Variants in SNTB1 observed in about 807,000 individuals in gnomAD.
The protein encoded by SNTB1 is beta-1-syntrophin.
In SNTB1, 36 loss-of-function variants were observed where a neutral mutation model predicts 48.9. That is an observed-to-expected ratio of 0.74 (90% confidence interval 0.56 to 0.97). The LOEUF (loss-of-function observed/expected upper bound fraction) is 0.97. Ranked by LOEUF, SNTB1 falls within the 50% of genes least tolerant of loss-of-function variation. SNTB1 has a pLI of 0.00. For synonymous variants in SNTB1, 299 were observed against 294.6 expected, an observed-to-expected ratio of 1.01 and a Z score of -0.15; for missense variants, 786 against 703.4, an observed-to-expected ratio of 1.12 and a Z score of -1.33.
At chr8:120,652,034 C>T (rs1003440425) in intron 2 of SNTB1, among the ~76,000 whole-genome samples, 1 of 152,102 alleles carries the variant, frequency 6.6e-6, no homozygotes, top group Admixed American at 6.5e-5. Context: ...TACTGTATAA[C>T]TTTGTATCTT....
At chr8:120,713,398 A>G (rs1450725017) in intron 1 of SNTB1, among the ~76,000 whole-genome samples, 2 of 152,078 alleles carry the variant, frequency 1.3e-5, no homozygotes, top group African/African-American at 4.8e-5. Flanking sequence ...GTAGCTGCTG[A>G]TCTGTTTTCT....
chr8:120,763,493 T>C (rs1819460368), intron 1 of SNTB1, among the ~76,000 whole-genome samples: 1 of 152,196 alleles, frequency 6.6e-6, no homozygotes. Context: ...AATTGACCTA[T>C]TAAAACAATC....
chr8:120,583,553 AC>A (rs1816084276), intron 3 of SNTB1, among the ~76,000 whole-genome samples: 2 of 141,228 alleles, frequency 1.4e-5, no homozygotes, highest in African/African-American at 5.0e-5. Context: ...ACACACACAC[AC>A]ACACACAAAA....
intron 3 of SNTB1, among the ~76,000 whole-genome samples, chr8:120,578,702 A>C (rs898863934): frequency 1.3e-5 from 2 of 152,200 alleles, no homozygotes; most frequent in Non-Finnish European, 2.9e-5. Flanking sequence ...ACAGAGCATG[A>C]GAGGAAAGGT....
At chr8:120,805,916 T>C (rs1820327280) in intron 1 of SNTB1, among the ~76,000 whole-genome samples, 1 of 152,232 alleles carries the variant, frequency 6.6e-6, no homozygotes, top group African/African-American at 2.4e-5. Context: ...ACGGTGTGTT[T>C]TTGGCAAGTG....
intron 1 of SNTB1, among the ~76,000 whole-genome samples, chr8:120,794,073 A>G (rs1820082031): frequency 6.6e-6 from 1 of 152,048 alleles, no homozygotes; most frequent in South Asian, 2.1e-4. Context: ...TTCTTTCCAC[A>G]TGGCTCCCTT....
At chr8:120,622,734 A>G (rs747184319) in intron 3 of SNTB1, among the ~76,000 whole-genome samples, 1 of 152,238 alleles carries the variant, frequency 6.6e-6, no homozygotes, top group African/African-American at 2.4e-5. Flanking sequence ...TAAAGGTCCC[A>G]TATACCTAAA....
intron 1 of SNTB1, among the ~76,000 whole-genome samples, chr8:120,803,273 T>C (rs183333031): frequency 1.3e-5 from 2 of 152,308 alleles, no homozygotes; most frequent in East Asian, 3.9e-4. Context: ...CTTTTCCATC[T>C]TGTCTTTCCC....
intron 2 of SNTB1, among the ~76,000 whole-genome samples, chr8:120,633,361 T>C (rs1817016415): frequency 6.6e-6 from 1 of 152,112 alleles, no homozygotes; most frequent in African/African-American, 2.4e-5. Context: ...ATCCCAGCAC[T>C]TTGGAAGGCT....
At chr8:120,785,150 C>T (rs891276533) in intron 1 of SNTB1, among the ~76,000 whole-genome samples, 1 of 152,180 alleles carries the variant, frequency 6.6e-6, no homozygotes, top group Non-Finnish European at 1.5e-5. Flanking sequence ...TTTAGAGAAA[C>T]CCCCAGCTGA....
chr8:120,654,043 A>AAAAAG lies in SNTB1; in HGVS notation c.789-21393_789-21392insCTTTT, dbSNP rs1393990970. ...AGACAGAGCGAGACTCTGCCTCAAAAAAAAAAAAAAAAAAAAAAAAAAAAA... is the reference window on the plus strand; with the variant it reads ...AGACAGAGCGAGACTCTGCCTCAAAAAAAAGAAAAAAAAAAAAAAAAAAAAAAAAA... On this transcript the variant is annotated intron_variant, in intron 2 of 6. Coordinates refer to ENST00000517992, the MANE Select transcript of SNTB1 (RefSeq NM_021021.4). Among the ~76,000 whole-genome samples the AAAAAG allele has an allele frequency of 3.9e-4, 48 of 123,636 alleles. 2 individuals carry two copies. The highest frequency in any genetic ancestry group is 5.9e-4 in the Non-Finnish European group (33 of 56,276). 81.1% of individuals were successfully genotyped at this position (123,636 alleles called of 152,430 possible).
chr8:120,719,615 G>C (rs544644896), intron 1 of SNTB1, among the ~76,000 whole-genome samples: 1 of 152,140 alleles, frequency 6.6e-6, no homozygotes, highest in Non-Finnish European at 1.5e-5. Flanking sequence ...AAGCTATGAC[G>C]TTCAGCTGAA....
intron 1 of SNTB1, among the ~76,000 whole-genome samples, chr8:120,809,564 A>G (rs981930125): frequency 6.6e-6 from 1 of 152,136 alleles, no homozygotes; most frequent in African/African-American, 2.4e-5. Context: ...AAAAGAAGGG[A>G]CATTATAAAG....
chr8:120,673,758 C>T (rs1313994027), intron 2 of SNTB1, among the ~76,000 whole-genome samples: 1 of 151,962 alleles, frequency 6.6e-6, no homozygotes, highest in Non-Finnish European at 1.5e-5. Context: ...CTCCCAAAGG[C>T]CAACCCCCAT....
chr8:120,543,934 A>G (rs560234497), intron 5 of SNTB1, among the ~76,000 whole-genome samples: 1 of 148,172 alleles, frequency 6.7e-6, no homozygotes, highest in Admixed American at 6.9e-5. Context: ...TGCTGATAGC[A>G]CTGCCTCCCT....
In SNTB1 at chr8:120,755,809, T is replaced by A. The variant is rs1290367477; in HGVS notation, c.571+55464A>T. Reference sequence around the variant, plus strand: ...TTATGTTCTAATAGCTTTACAGACATAACTTCATTTAATTCTCCCAACAAC... The same window carrying A: ...TTATGTTCTAATAGCTTTACAGACAAAACTTCATTTAATTCTCCCAACAAC... On this transcript the variant is annotated intron_variant, in intron 1 of 6. Coordinates refer to ENST00000517992, the MANE Select transcript of SNTB1 (RefSeq NM_021021.4). Among the ~76,000 whole-genome samples, 4 of 152,118 alleles carry A rather than the reference T, an allele frequency of 2.6e-5. No homozygotes were observed. The East Asian group carries it at 7.7e-4, about 29-fold the overall frequency.
chr8:120,555,549 G>T (rs1392568342), intron 4 of SNTB1, among the ~76,000 whole-genome samples: 1 of 152,194 alleles, frequency 6.6e-6, no homozygotes, highest in Non-Finnish European at 1.5e-5. Flanking sequence ...CTAGTCCGTA[G>T]TTCCTGCCGG....
intron 1 of SNTB1, among the ~76,000 whole-genome samples, chr8:120,755,248 A>G (rs1404645715): frequency 1.3e-5 from 2 of 152,074 alleles, no homozygotes; most frequent in Non-Finnish European, 2.9e-5. Context: ...TAAAAAGAAA[A>G]GGTAGGACAA....
At chr8:120,696,839 T>C (rs946494432) in intron 1 of SNTB1, among the ~76,000 whole-genome samples, 1 of 152,220 alleles carries the variant, frequency 6.6e-6, no homozygotes, top group Non-Finnish European at 1.5e-5. Context: ...TATTTTCTCA[T>C]GAGATCTGGC....
Sources: allele counts gnomAD v4.1 joint callset (sites outside exome capture counted in the v4.1 genomes callset), GRCh38; gene constraint gnomAD v4.1.1; transcripts MANE v1.5; gene names NCBI Gene and HGNC (gene_info 2026-07-23, HGNC 2026-07-21).